The following USH2A variants were observed in gnomAD, a reference collection of about 807,000 sequenced individuals.
The protein encoded by USH2A is Usher syndrome 2A (autosomal recessive, mild).
Under a neutral mutation model 538.9 loss-of-function variants are expected in USH2A, and 443 were observed. That is an observed-to-expected ratio of 0.82 (90% CI 0.76 to 0.89). The LOEUF (loss-of-function observed/expected upper bound fraction) is 0.89, where lower values mean the gene tolerates loss of function less well. Among genes scored for constraint, USH2A ranks in the 40% least tolerant of loss-of-function variants. USH2A has a pLI of 0.00. For missense variants in USH2A, 6,633 were observed against 6,324.8 expected (o/e 1.05, Z -1.65); for synonymous variants, 2,413 against 2,273.5 (o/e 1.06, Z -1.75).
intron 30 of USH2A, among the ~76,000 whole-genome samples, chr1:216,057,680 C>T (rs1206246398): frequency 6.6e-6 from 1 of 151,430 alleles, no homozygotes; most frequent in Non-Finnish European, 1.5e-5. Context: ...GAGCAAGATT[C>T]CATCTCAAAT....
intron 11 of USH2A, among the ~76,000 whole-genome samples, chr1:216,286,372 C>T (rs1472749839): frequency 2.0e-5 from 3 of 152,164 alleles, no homozygotes; most frequent in Non-Finnish European, 2.9e-5. Context: ...GCCTTTGCTT[C>T]TCCTTTGCTT....
rs187164501 is a variant in USH2A, at chr1:216,202,674, T to C, written c.3317-2553A>G. Reference sequence around the variant, plus strand: ...CTCCTGGTTTGTAGCACTCCCCCATTGTACCACTTACCAAAGCTACATGGA... The same window carrying C: ...CTCCTGGTTTGTAGCACTCCCCCATCGTACCACTTACCAAAGCTACATGGA... On this transcript the variant is annotated intron_variant, in intron 16 of 71. Transcript: ENST00000307340. Among the ~76,000 whole-genome samples, 926 of 152,312 alleles carry C rather than the reference T, an allele frequency of 6.1e-3. 3 individuals are homozygous for C. The highest frequency in any genetic ancestry group is 8.7e-3 in the Non-Finnish European group (589 of 68,028).
intron 46 of USH2A, among the ~76,000 whole-genome samples, chr1:215,842,738 C>T (rs1237651581): frequency 6.6e-6 from 1 of 151,992 alleles, no homozygotes; most frequent in Non-Finnish European, 1.5e-5. Flanking sequence ...CATGTTCTCA[C>T]TTATAAGTAG....
chr1:215,875,005 T>C (rs1186647427), intron 43 of USH2A, among the ~76,000 whole-genome samples: 2 of 152,222 alleles, frequency 1.3e-5, no homozygotes, highest in Non-Finnish European at 2.9e-5. Context: ...CATCCCCCTC[T>C]GCAATTTGAC....
chr1:215,983,429 A>G (rs1195060680), intron 35 of USH2A, among the ~76,000 whole-genome samples: 1 of 152,176 alleles, frequency 6.6e-6, no homozygotes, highest in Non-Finnish European at 1.5e-5. Context: ...ATTAAATATG[A>G]TGGGTTTATT....
chr1:216,242,547 A>G (rs1301624256), intron 13 of USH2A, among the ~76,000 whole-genome samples: 1 of 151,996 alleles, frequency 6.6e-6, no homozygotes, highest in African/African-American at 2.4e-5. Context: ...TGCAAAAGAG[A>G]AAAACAGAAA....
At chr1:216,054,799 T>C (rs1014256385) in intron 30 of USH2A, among the ~76,000 whole-genome samples, 2 of 152,158 alleles carry the variant, frequency 1.3e-5, no homozygotes. Flanking sequence ...GTAAACACCT[T>C]GGCCTGTCTG....
In USH2A at chr1:215,798,064, T is replaced by C. The variant is rs111458874; in HGVS notation, c.9958+843A>G. Among the ~76,000 whole-genome samples the C allele has an allele frequency of 9.9e-3, 1,512 of 152,238 alleles. 24 individuals are homozygous for C. The highest frequency in any genetic ancestry group is 0.035 in the African/African-American group (1,435 of 41,548). ...ACCCTCATGGATGACTAAGGGGTTT[T>C]AGACTCAAAATGGGAAAAATAACTG... On this transcript the variant is annotated intron_variant, in intron 50 of 71. Transcript: ENST00000307340.
chr1:216,083,412 G>C (rs771810030), intron 26 of USH2A, 44 bp downstream of exon 26: 3 of 1,587,160 alleles, frequency 1.9e-6, no homozygotes, highest in Non-Finnish European at 1.7e-6. Context: ...TTTAAAGTTG[G>C]GTCCTATATT....
chr1:216,146,930 C>T (rs377736862), intron 21 of USH2A, among the ~76,000 whole-genome samples: 1 of 152,238 alleles, frequency 6.6e-6, no homozygotes, highest in East Asian at 1.9e-4. Flanking sequence ...GCCACTTGAC[C>T]CCAATACAAA....
rs377288021 is a variant in USH2A, at chr1:216,393,962, G to C, written c.651+24552C>G. Among the ~76,000 whole-genome samples the C allele has an allele frequency of 5.1e-4, 77 of 152,188 alleles. No homozygotes were observed. The East Asian group carries it at 6.0e-3, about 12-fold the overall frequency. On this transcript the variant is annotated intron_variant, in intron 3 of 71. Transcript: ENST00000307340. ...CATAGAAATTTCATAATAAGAAAAG[G>C]GCCAACATTTTTTGAAATGGGAAGA...
At chr1:215,841,945 A>G (rs1663688880) in intron 46 of USH2A, among the ~76,000 whole-genome samples, 1 of 152,158 alleles carries the variant, frequency 6.6e-6, no homozygotes. Context: ...AAAGCTTACT[A>G]TATTTATATT....
chr1:216,241,666 C>A (rs2035940916), intron 13 of USH2A, among the ~76,000 whole-genome samples: 1 of 152,104 alleles, frequency 6.6e-6, no homozygotes, highest in Non-Finnish European at 1.5e-5. Flanking sequence ...TCCCAAGTAG[C>A]TGGGATTACA....
chr1:215,761,012 C>T lies in USH2A; in HGVS notation c.11048-1169G>A, dbSNP rs190830801. Among the ~76,000 whole-genome samples the T allele has an allele frequency of 1.2e-4, 18 of 152,166 alleles. No homozygotes were observed. In the East Asian group the frequency reaches 3.1e-3, roughly 26 times the overall value. ...AATTTCTTTTTGTGACCCATATGGT[C>T]CCACATTTTATTGGCTCTGGCCTAA... On this transcript the variant is annotated intron_variant, in intron 56 of 71. Transcript: ENST00000307340.
intron 13 of USH2A, among the ~76,000 whole-genome samples, chr1:216,244,329 C>T (rs575337183): frequency 1.5e-4 from 23 of 152,156 alleles, no homozygotes; most frequent in African/African-American, 4.1e-4. Context: ...GTCTAGACTG[C>T]GACTGGAAGA....
At chr1:216,393,205 C>G (rs561321935) in intron 3 of USH2A, among the ~76,000 whole-genome samples, 1 of 152,156 alleles carries the variant, frequency 6.6e-6, no homozygotes, top group Admixed American at 6.5e-5. Flanking sequence ...ATACTATGCA[C>G]TTATTCGAGT....
At chr1:216,078,712 T>C (rs1350443026) in intron 26 of USH2A, among the ~76,000 whole-genome samples, 6 of 152,110 alleles carry the variant, frequency 3.9e-5, no homozygotes, top group Admixed American at 3.9e-4. Flanking sequence ...CAGAACACTT[T>C]GAACTATGAC....
At chr1:216,279,623 C>T (rs985878567) in intron 11 of USH2A, among the ~76,000 whole-genome samples, 28 of 152,062 alleles carry the variant, frequency 1.8e-4, no homozygotes, top group South Asian at 6.2e-4. Flanking sequence ...TAAAAAGATA[C>T]CTAGGATAGT....
Position 215,674,599 on chromosome 1 carries a change from A to G in USH2A, c.13312T>C (p.Trp4438Arg), listed in dbSNP as rs372802465. The G allele has an allele frequency of 3.1e-6, 5 of 1,614,172 alleles. No individual in the cohort carries two copies. The Admixed American group carries it at 6.7e-5, about 22-fold the overall frequency. ...TTCTCTGGCAGGGCCTCCATTGTCCAGGCAGATTTTGACACACTAGCTGTG... is the reference window on the plus strand; with the variant it reads ...TTCTCTGGCAGGGCCTCCATTGTCCGGGCAGATTTTGACACACTAGCTGTG... Reference protein sequence around the residue: ...GCTASVSKSAWTMEALPENMD... With the variant: ...GCTASVSKSARTMEALPENMD... The change falls in exon 63 of 72, where the codon TGG (tryptophan) becomes CGG (arginine). Residue 4438 changes from tryptophan (W) to arginine (R), a missense_variant. Transcript: ENST00000307340.
Sources: gnomAD v4.1 joint callset for allele counts (sites outside exome capture counted in the v4.1 genomes callset) on GRCh38, gnomAD v4.1.1 for gene constraint, MANE v1.5 for transcripts, NCBI Gene and HGNC (gene_info 2026-07-23, HGNC 2026-07-21) for gene names.